RUNDC3B: variants seen among roughly 807,000 people sequenced by gnomAD.
RUNDC3B encodes the protein RUN domain-containing protein 3B.
Under a neutral mutation model 58.4 loss-of-function variants are expected in RUNDC3B, and 33 were observed. The ratio of observed to expected loss-of-function variants is 0.56; its 90% CI spans 0.43 to 0.75. RUNDC3B has a LOEUF of 0.75. Among genes scored for constraint, RUNDC3B ranks in the 30% least tolerant of loss-of-function variants. RUNDC3B has a pLI of 0.00. For synonymous variants in RUNDC3B, 193 were observed against 195.2 expected (o/e 0.99, Z 0.10); for missense variants, 501 against 535.7 (o/e 0.94, Z 0.64).
At chr7:87,631,019 G>A (rs1415044154) in intron 1 of RUNDC3B, among the ~76,000 whole-genome samples, 4 of 152,142 alleles carry the variant, frequency 2.6e-5, no homozygotes, top group Admixed American at 1.3e-4. Flanking sequence ...AAATGAATAT[G>A]TGCTAACTTT....
chr7:87,782,933 A>G (rs1473111058), intron 8 of RUNDC3B, among the ~76,000 whole-genome samples: 2 of 152,166 alleles, frequency 1.3e-5, no homozygotes, highest in Non-Finnish European at 2.9e-5. Flanking sequence ...AAAATAAAGT[A>G]TATTGTGTGG....
At chr7:87,637,597 A>G (rs1327720654) in intron 1 of RUNDC3B, among the ~76,000 whole-genome samples, 1 of 152,230 alleles carries the variant, frequency 6.6e-6, no homozygotes, top group Non-Finnish European at 1.5e-5. Flanking sequence ...ATTTTTCTCA[A>G]TAATGTAGTT....
At chr7:87,734,843 A>G (rs915146413) in intron 4 of RUNDC3B, among the ~76,000 whole-genome samples, 1 of 152,058 alleles carries the variant, frequency 6.6e-6, no homozygotes, top group African/African-American at 2.4e-5. Flanking sequence ...TCTTGAAAAA[A>G]TCTCTTCACC....
At chr7:87,660,183 A>G (rs752039841) in intron 2 of RUNDC3B, among the ~76,000 whole-genome samples, 33 of 151,786 alleles carry the variant, frequency 2.2e-4, no homozygotes, top group Non-Finnish European at 4.6e-4. Flanking sequence ...ATCATGGTCT[A>G]TTAGGTAGCA....
At chr7:87,787,302 A>G (rs1835275410) in intron 8 of RUNDC3B, among the ~76,000 whole-genome samples, 1 of 152,164 alleles carries the variant, frequency 6.6e-6, no homozygotes, top group African/African-American at 2.4e-5. Context: ...AAAGTTGGGC[A>G]TTGAAATTTC....
chr7:87,706,748 C>G (rs1007670927), intron 3 of RUNDC3B, among the ~76,000 whole-genome samples: 1 of 152,122 alleles, frequency 6.6e-6, no homozygotes, highest in Admixed American at 6.5e-5. Context: ...GAAGTTGGAG[C>G]TTGGAACTGC....
At chr7:87,761,876 CATGAT>C (rs1833706980) in intron 6 of RUNDC3B, among the ~76,000 whole-genome samples, 1 of 151,650 alleles carries the variant, frequency 6.6e-6, no homozygotes, top group South Asian at 2.1e-4. Context: ...TCTTTGTTAA[CATGAT>C]ATATTTCCCA....
rs535066678 is a variant in RUNDC3B, at chr7:87,767,325, G to T, written c.630-3256G>T. Among the ~76,000 whole-genome samples the T allele has an allele frequency of 1.3e-4, 20 of 152,302 alleles. No individual in the cohort carries two copies. The East Asian group carries it at 3.7e-3, about 28-fold the overall frequency. ...CACTCTATCCTTTTGTGCTGCCAGA[G>T]TTCTTACACTAATTCCTTCTAATCT... is the stretch of plus-strand genomic sequence containing the variant. On this transcript the variant is annotated intron_variant, in intron 6 of 10. Coordinates refer to ENST00000394654, the MANE Select transcript of RUNDC3B (RefSeq NM_001134405.2).
In RUNDC3B at chr7:87,632,520, G is replaced by T. The variant is rs537939591; in HGVS notation, c.122+3575G>T. Among the ~76,000 whole-genome samples, 12 of 152,188 alleles carry T rather than the reference G, an allele frequency of 7.9e-5. No homozygotes were observed. In the South Asian group the frequency reaches 2.5e-3, roughly 32 times the overall value. On this transcript the variant is annotated intron_variant, in intron 1 of 10. Transcript: ENST00000394654. ...GTGAAGAGATAGTAGGTCATTTGAG[G>T]ACTCTAAATCTTACACACTCAACTT...
chr7:87,726,907 A>G (rs1168456716), intron 4 of RUNDC3B, among the ~76,000 whole-genome samples: 2 of 151,396 alleles, frequency 1.3e-5, no homozygotes, highest in African/African-American at 4.9e-5. Flanking sequence ...TTGGTGTATA[A>G]GAATGCTTGT....
At chr7:87,715,287 T>TTAATTTATAATAATTATATA in intron 4 of RUNDC3B, among the ~76,000 whole-genome samples, 1 of 133,194 alleles carries the variant, frequency 7.5e-6, no homozygotes, top group Admixed American at 8.4e-5. Flanking sequence ...TTATATATAA[T>TTAATTTATAATAATTATATA]TAATTTATAA....
chr7:87,640,524 T>A (rs1162659586), intron 1 of RUNDC3B, among the ~76,000 whole-genome samples: 1 of 151,924 alleles, frequency 6.6e-6, no homozygotes, highest in Non-Finnish European at 1.5e-5. Flanking sequence ...TTTTTTTAAT[T>A]TGTAGATATA....
intron 1 of RUNDC3B, among the ~76,000 whole-genome samples, chr7:87,642,975 G>A (rs1035035622): frequency 1.5e-4 from 23 of 152,144 alleles, no homozygotes; most frequent in South Asian, 2.1e-4. Flanking sequence ...GAGTGTAGAC[G>A]CATGACCATA....
chr7:87,657,749 C>A, intron 2 of RUNDC3B, among the ~76,000 whole-genome samples: 1 of 152,080 alleles, frequency 6.6e-6, no homozygotes, highest in East Asian at 1.9e-4. Flanking sequence ...GAGGCCACCC[C>A]AAGTACCATG....
intron 2 of RUNDC3B, among the ~76,000 whole-genome samples, chr7:87,682,508 T>C (rs568054465): frequency 6.6e-6 from 1 of 152,304 alleles, no homozygotes; most frequent in Admixed American, 6.5e-5. Flanking sequence ...GGGCTACAGA[T>C]TGGATGTTGT....
At chr7:87,681,058 T>C (rs73705300) in intron 2 of RUNDC3B, among the ~76,000 whole-genome samples, 17,296 of 150,162 alleles carry the variant, frequency 0.12, 2,698 homozygotes, top group African/African-American at 0.31. Context: ...ACTACAGACC[T>C]TACATTCAAA....
intron 6 of RUNDC3B, among the ~76,000 whole-genome samples, chr7:87,756,013 T>C (rs953347311): frequency 5.3e-5 from 8 of 152,124 alleles, no homozygotes; most frequent in Non-Finnish European, 7.4e-5. Context: ...ATAGGAGACT[T>C]ATTTTTCATT....
chr7:87,709,952 T>C (rs1262117635), intron 3 of RUNDC3B, among the ~76,000 whole-genome samples: 1 of 152,198 alleles, frequency 6.6e-6, no homozygotes, highest in African/African-American at 2.4e-5. Flanking sequence ...TGCTAGAATA[T>C]GCTGGCTTCT....
chr7:87,734,765 G>A (rs1831821581), intron 4 of RUNDC3B, among the ~76,000 whole-genome samples: 1 of 151,956 alleles, frequency 6.6e-6, no homozygotes, highest in Non-Finnish European at 1.5e-5. Context: ...CAATGTAATG[G>A]ATATTTCTCT....
Sources: allele counts gnomAD v4.1 joint callset (sites outside exome capture counted in the v4.1 genomes callset), GRCh38; gene constraint gnomAD v4.1.1; transcripts MANE v1.5; gene names NCBI Gene and HGNC (gene_info 2026-07-23, HGNC 2026-07-21).